Variants in RNF144B observed in about 807,000 individuals in gnomAD.
RNF144B encodes the protein E3 ubiquitin-protein ligase RNF144B.
A neutral mutation model predicts 40.2 loss-of-function variants in RNF144B; 25 were observed. That is an observed-to-expected ratio of 0.62 (90% CI 0.45 to 0.87). RNF144B has a LOEUF of 0.87. Among genes scored for constraint, RNF144B ranks in the 40% least tolerant of loss-of-function variants. The pLI, the probability that RNF144B is intolerant of heterozygous loss-of-function variation, is 0.00. For missense variants in RNF144B, 365 were observed against 373.7 expected, an observed-to-expected ratio of 0.98 and a Z score of 0.19; for synonymous variants, 145 against 136.3, an observed-to-expected ratio of 1.06 and a Z score of -0.44.
chr6:18,436,414 A>C (rs1758825141), intron 3 of RNF144B, among the ~76,000 whole-genome samples: 1 of 152,236 alleles, frequency 6.6e-6, no homozygotes, highest in African/African-American at 2.4e-5. Context: ...AAGATGCTTT[A>C]ATTCTATTGT....
At chr6:18,392,035 TA>T (rs10643409) in intron 1 of RNF144B, among the ~76,000 whole-genome samples, 6,177 of 70,838 alleles carry the variant, frequency 0.087, 243 homozygotes, top group Middle Eastern at 0.17. Flanking sequence ...CCATCTCTAC[TA>T]AAAAAAAAAA....
rs748137765 is a variant in RNF144B at position 18,458,592 on chromosome 6, G to A, written c.537-1015G>A. ...CGTGGGTATCACAGGGCAACGTAAAGAACTCAGAGGATAGGAGGATTTGCA... is the reference window on the plus strand; with the variant it reads ...CGTGGGTATCACAGGGCAACGTAAAAAACTCAGAGGATAGGAGGATTTGCA... On this transcript the variant is annotated intron_variant, in intron 5 of 7. Coordinates refer to ENST00000259939, the MANE Select transcript of RNF144B (RefSeq NM_182757.4). The surrounding 1 kb of genome is among the most constrained non-coding windows in gnomAD (Gnocchi z 4.8). Among the ~76,000 whole-genome samples, 1 of 152,132 alleles carries A rather than the reference G, an allele frequency of 6.6e-6. No individual in the cohort carries two copies. Among genetic ancestry groups the A allele is most frequent in the African/African-American group, 2.4e-5 (1 of 41,426 alleles).
chr6:18,391,896 G>T (rs1020834050), intron 1 of RNF144B, among the ~76,000 whole-genome samples: 2 of 144,660 alleles, frequency 1.4e-5, no homozygotes, highest in African/African-American at 5.1e-5. Context: ...GTTTGCAAAT[G>T]TTAAAACTAG....
intron 3 of RNF144B, 51 bp from the exon 4 acceptor site, chr6:18,439,633 T>G: frequency 7.9e-7 from 1 of 1,265,734 alleles, no homozygotes. Flanking sequence ...GGCTGGTAAC[T>G]CAGGGCACTA....
At chr6:18,407,984 CTTTTTT>C (rs370801682) in intron 2 of RNF144B, among the ~76,000 whole-genome samples, 1 of 133,602 alleles carries the variant, frequency 7.5e-6, no homozygotes, top group Admixed American at 7.7e-5. Flanking sequence ...CTTTCTTTTT[CTTTTTT>C]TTTTTTTTTT....
Position 18,396,071 on chromosome 6 carries a change from C to T in RNF144B, c.-36-3428C>T, listed in dbSNP as rs901136957. Among the ~76,000 whole-genome samples the T allele has an allele frequency of 5.9e-5, 9 of 152,068 alleles. No homozygotes were observed. In the South Asian group the frequency reaches 1.9e-3, roughly 31 times the overall value. On this transcript the variant is annotated intron_variant, in intron 1 of 7. Transcript: ENST00000259939. ...GCATCTCTGCTATGTAAAGGTTTTT[C>T]TATTATAAAAATTACATATGTTTTT...
intron 2 of RNF144B, among the ~76,000 whole-genome samples, chr6:18,423,726 A>G (rs1478197542): frequency 6.6e-6 from 1 of 152,088 alleles, no homozygotes; most frequent in Non-Finnish European, 1.5e-5. Flanking sequence ...TAGATCCCAT[A>G]TGAATCCTTA....
intron 6 of RNF144B, among the ~76,000 whole-genome samples, chr6:18,462,412 C>G (rs1442544416): frequency 3.9e-5 from 6 of 152,192 alleles, no homozygotes; most frequent in African/African-American, 1.2e-4. Flanking sequence ...TTCTACCTTT[C>G]TGGTCATATC....
chr6:18,396,676 T>C, intron 1 of RNF144B: 2 of 985,358 alleles, frequency 2.0e-6, no homozygotes, highest in Non-Finnish European at 2.4e-6. Context: ...TCAGAATAGA[T>C]TGCATAAGCA....
In RNF144B at chr6:18,459,583, A is replaced by G. The variant is rs1191612959; in HGVS notation, c.537-24A>G. On this transcript the variant is annotated intron_variant, in intron 5 of 7. Transcript: ENST00000259939. This position sits in a 1 kb window ranked among gnomAD's most constrained non-coding sequence, Gnocchi z 4.2. ...AACTGATGACCATCAGCTGAATGCC[A>G]TTTCTCATCCATTTTGTTTCTAGAG... The G allele has an allele frequency of 2.5e-6, 4 of 1,609,206 alleles. No individual in the cohort carries two copies. Among genetic ancestry groups the G allele is most frequent in the South Asian group, 2.2e-5 (2 of 90,848 alleles).
At chr6:18,420,756 C>T (rs1379427282) in intron 2 of RNF144B, among the ~76,000 whole-genome samples, 1 of 152,032 alleles carries the variant, frequency 6.6e-6, no homozygotes, top group Non-Finnish European at 1.5e-5. Flanking sequence ...CATTCTCCCT[C>T]CTTTTGATGA....
rs575080970 is a variant in RNF144B at position 18,396,984 on chromosome 6, C to T, written c.-36-2515C>T. On this transcript the variant is annotated intron_variant, in intron 1 of 7. Coordinates refer to ENST00000259939, the MANE Select transcript of RNF144B (RefSeq NM_182757.4). Reference sequence around the variant, plus strand: ...ATAACGCTGTGTCTTGAACTTTATCCGGCATTTGCTGAGAAAAAAACCATG... The same window carrying T: ...ATAACGCTGTGTCTTGAACTTTATCTGGCATTTGCTGAGAAAAAAACCATG... Among the ~76,000 whole-genome samples, 16 of 152,226 alleles carry T rather than the reference C, an allele frequency of 1.1e-4. No homozygotes were observed. In the South Asian group the frequency reaches 2.1e-3, roughly 20 times the overall value.
rs1794920457 is a variant in RNF144B at position 18,406,827 on chromosome 6, TA to T, written c.165+7131del. On this transcript the variant is annotated intron_variant, in intron 2 of 7. Transcript: ENST00000259939. This position sits in a 1 kb window ranked among gnomAD's most constrained non-coding sequence, Gnocchi z 4.2. ...GTATTAGTCTGTTTTCACACTGCTA[TA>T]AAGAATACCTGAGATCTATAAAGGA... is the stretch of plus-strand genomic sequence containing the variant. 6.6e-6 allele frequency among the ~76,000 whole-genome samples: 1 copy of T among 152,100 alleles called. No individual in the cohort carries two copies. Among genetic ancestry groups the T allele is most frequent in the South Asian group, 2.1e-4 (1 of 4,826 alleles).
In RNF144B at chr6:18,401,230, A is replaced by G. The variant is rs72832426; in HGVS notation, c.165+1531A>G. On this transcript the variant is annotated intron_variant, in intron 2 of 7. Coordinates refer to ENST00000259939, the MANE Select transcript of RNF144B (RefSeq NM_182757.4). ...GGAAATAATACATGGTGAAGGTTGT[A>G]TTTCATCTTCTCAGGGAGCTAACAC... Among the ~76,000 whole-genome samples the G allele has an allele frequency of 3.0e-3, 458 of 152,272 alleles. 4 individuals are homozygous for G. Among genetic ancestry groups the G allele is most frequent in the Non-Finnish European group, 4.4e-3 (301 of 68,024 alleles).
intron 2 of RNF144B, among the ~76,000 whole-genome samples, chr6:18,399,953 C>G (rs1373704419): frequency 1.3e-5 from 2 of 152,036 alleles, no homozygotes; most frequent in East Asian, 3.9e-4. Context: ...TGTTAAGGTT[C>G]AAACTATGGA....
rs541030997 is a variant in RNF144B, at chr6:18,416,301, C to T, written c.166-11280C>T. Among the ~76,000 whole-genome samples the T allele has an allele frequency of 9.2e-5, 14 of 152,294 alleles. No individual in the cohort carries two copies. Among genetic ancestry groups the T allele is most frequent in the Admixed American group, 6.5e-4 (10 of 15,298 alleles). ...TTAATGGATGAGTGATTGAATTACT[C>T]AAATTGGAAGCAGATTTTTCCAACG... On this transcript the variant is annotated intron_variant, in intron 2 of 7. Transcript: ENST00000259939. The surrounding 1 kb of genome is among the most constrained non-coding windows in gnomAD (Gnocchi z 5.5).
rs1230388022 is a variant in RNF144B at position 18,425,511 on chromosome 6, C to T, written c.166-2070C>T. Among the ~76,000 whole-genome samples the T allele has an allele frequency of 6.6e-6, 1 of 152,120 alleles. No homozygotes were observed. The highest frequency in any genetic ancestry group is 1.5e-5 in the Non-Finnish European group (1 of 68,018). The stretch of plus-strand genomic sequence containing the variant: ...TCGCCTGCCCATTGACATTCTTCCC[C>T]ATATTTCCTTGCTGCTGCTCTCTTC... On this transcript the variant is annotated intron_variant, in intron 2 of 7. Coordinates refer to ENST00000259939, the MANE Select transcript of RNF144B (RefSeq NM_182757.4). This position sits in a 1 kb window ranked among gnomAD's most constrained non-coding sequence, Gnocchi z 4.2.
intron 2 of RNF144B, among the ~76,000 whole-genome samples, chr6:18,408,273 C>T (rs1356265069): frequency 6.6e-6 from 1 of 152,174 alleles, no homozygotes; most frequent in African/African-American, 2.4e-5. Flanking sequence ...ATGTGAGCCA[C>T]TGTACCCAGC....
rs961387007 is a variant in RNF144B, at chr6:18,406,164, C to T, written c.165+6465C>T. On this transcript the variant is annotated intron_variant, in intron 2 of 7. Coordinates refer to ENST00000259939, the MANE Select transcript of RNF144B (RefSeq NM_182757.4). This position sits in a 1 kb window ranked among gnomAD's most constrained non-coding sequence, Gnocchi z 4.2. ...AAATAACTCAACTTTTCGTATGAGA[C>T]ATAGATGCTAACAAGTAAATACAGA... 1 of 518,630 alleles carries T rather than the reference C, an allele frequency of 1.9e-6. No individual in the cohort carries two copies. Among genetic ancestry groups the T allele is most frequent in the Non-Finnish European group, 3.8e-6 (1 of 259,814 alleles). The allele number at this position is 518,630 out of a possible 1,614,324, so 32.1% of individuals were successfully genotyped here. A position where few individuals can be genotyped will look rare whatever the true frequency, so the allele number is the denominator to read the frequency against.
Sources: allele counts gnomAD v4.1 joint callset (sites outside exome capture counted in the v4.1 genomes callset), GRCh38; gene constraint gnomAD v4.1.1; non-coding constraint Gnocchi (gnomAD v3.1); transcripts MANE v1.5; gene names NCBI Gene and HGNC (gene_info 2026-07-23, HGNC 2026-07-21).